Variants in RNF216 observed in about 807,000 individuals in gnomAD.
RNF216 encodes ring finger protein 216.
In RNF216, 72 loss-of-function variants were observed where a neutral mutation model predicts 110.8. The ratio of observed to expected loss-of-function variants is 0.65; its 90% CI spans 0.54 to 0.79. The LOEUF (loss-of-function observed/expected upper bound fraction) is 0.79. Ranked by LOEUF, RNF216 falls within the 30% of genes least tolerant of loss-of-function variation. RNF216 has a pLI of 0.00. For synonymous variants in RNF216, 495 were observed against 407.5 expected (o/e 1.21, Z -2.59); for missense variants, 1,342 against 1,141.2 (o/e 1.18, Z -2.54).
chr7:5,730,281 A>C (rs1310611151), intron 6 of RNF216, among the ~76,000 whole-genome samples: 1 of 152,246 alleles, frequency 6.6e-6, no homozygotes, highest in Non-Finnish European at 1.5e-5. Context: ...TATGTATGAT[A>C]AAGAGGATAC....
At chr7:5,716,989 G>C (rs796828846) in intron 9 of RNF216, among the ~76,000 whole-genome samples, 7 of 152,264 alleles carry the variant, frequency 4.6e-5, no homozygotes, top group African/African-American at 1.7e-4. Flanking sequence ...GAATAAATAA[G>C]GGAAAAGGCT....
At chr7:5,751,861 C>T (rs949567507) in intron 3 of RNF216, among the ~76,000 whole-genome samples, 2 of 73,404 alleles carry the variant, frequency 2.7e-5, no homozygotes. Context: ...AAAAAAGCAA[C>T]AGATTTGTAG....
intron 13 of RNF216, among the ~76,000 whole-genome samples, chr7:5,695,187 A>G (rs1225345685): frequency 1.3e-5 from 2 of 152,244 alleles, no homozygotes; most frequent in Non-Finnish European, 2.9e-5. Context: ...TGTCTGGGTT[A>G]TATGACCTCC....
chr7:5,628,514 A>G (rs1230311710), intron 15 of RNF216, among the ~76,000 whole-genome samples: 1 of 152,096 alleles, frequency 6.6e-6, no homozygotes, highest in Non-Finnish European at 1.5e-5. Context: ...GTTAGACTCT[A>G]AAGGGAAGAT....
chr7:5,766,121 G>GAAAAAT (rs1266450474), intron 1 of RNF216, among the ~76,000 whole-genome samples: 1 of 151,680 alleles, frequency 6.6e-6, no homozygotes. Context: ...CTGTCTCTAC[G>GAAAAAT]AAAAATAAAA....
chr7:5,771,731 A>C (rs1796504235), intron 1 of RNF216, among the ~76,000 whole-genome samples: 3 of 152,158 alleles, frequency 2.0e-5, no homozygotes, highest in African/African-American at 4.8e-5. Flanking sequence ...CGAGAGGTGG[A>C]GGTTGCAGTA....
chr7:5,755,145 G>C (rs1449620048), intron 2 of RNF216, among the ~76,000 whole-genome samples: 1 of 130,542 alleles, frequency 7.7e-6, no homozygotes, highest in East Asian at 2.0e-4. Flanking sequence ...AGGGAGGAAG[G>C]AAAGAAGGAA....
intron 2 of RNF216, among the ~76,000 whole-genome samples, chr7:5,758,874 A>G (rs554454051): frequency 6.6e-6 from 1 of 152,154 alleles, no homozygotes; most frequent in Non-Finnish European, 1.5e-5. Context: ...GGAAGACGCA[A>G]TTGTATTTAG....
At chr7:5,751,265 G>C (rs140819674) in intron 3 of RNF216, among the ~76,000 whole-genome samples, 2,914 of 152,262 alleles carry the variant, frequency 0.019, 42 homozygotes, top group Non-Finnish European at 0.03. Flanking sequence ...CCAAAATGAT[G>C]GTAACTGAGA....
chr7:5,729,028 G>A (rs1412787799), intron 7 of RNF216, among the ~76,000 whole-genome samples: 2 of 152,190 alleles, frequency 1.3e-5, no homozygotes, highest in African/African-American at 2.4e-5. Flanking sequence ...CTCTTCTGAG[G>A]GGGCACTGCT....
intron 2 of RNF216, among the ~76,000 whole-genome samples, chr7:5,755,137 G>A (rs1467986273): frequency 7.4e-6 from 1 of 135,150 alleles, no homozygotes; most frequent in Non-Finnish European, 1.7e-5. Context: ...AAAGAGGGAG[G>A]GAGGAAGGAA....
chr7:5,677,954 T>C (rs1157217007), intron 13 of RNF216, among the ~76,000 whole-genome samples: 1 of 152,300 alleles, frequency 6.6e-6, no homozygotes, highest in African/African-American at 2.4e-5. Flanking sequence ...CACTCTTAAC[T>C]GGAGCAGTAA....
chr7:5,759,680 G>A (rs1483514533), intron 2 of RNF216, among the ~76,000 whole-genome samples: 6 of 129,892 alleles, frequency 4.6e-5, no homozygotes, highest in African/African-American at 1.7e-4. Flanking sequence ...CGCCCAGGCT[G>A]GAGTGCAGTG....
At chr7:5,733,413 T>C (rs539141012) in intron 5 of RNF216, among the ~76,000 whole-genome samples, 86 of 152,326 alleles carry the variant, frequency 5.6e-4, no homozygotes, top group African/African-American at 1.8e-3. Flanking sequence ...ATCAATTTGA[T>C]TACGTTTTAG....
chr7:5,669,941 T>C (rs1234647858), intron 13 of RNF216, among the ~76,000 whole-genome samples: 1 of 151,898 alleles, frequency 6.6e-6, no homozygotes. Context: ...CTTTTTTTTT[T>C]TTTGAGATGG....
At chr7:5,732,846 C>A (rs1160409269) in intron 5 of RNF216, 3 of 152,222 alleles carry the variant, frequency 2.0e-5, no homozygotes, top group East Asian at 1.9e-4. Flanking sequence ...GAAGTCACTC[C>A]TGCAAAGTAA....
At chr7:5,724,570 C>A (rs117486357) in intron 8 of RNF216, among the ~76,000 whole-genome samples, 3,760 of 152,316 alleles carry the variant, frequency 0.025, 74 homozygotes, top group East Asian at 0.039. Flanking sequence ...CACTGCTCCA[C>A]AGACTGGCTT....
rs750058512 is a variant in RNF216, at chr7:5,729,581, A to T, written c.1240T>A (p.Phe414Ile). The T allele has an allele frequency of 2.5e-6, 4 of 1,614,140 alleles. No individual in the cohort carries two copies. Among genetic ancestry groups the T allele is most frequent in the South Asian group, 1.1e-5 (1 of 91,080 alleles). Residue 414 changes from phenylalanine to isoleucine, a missense_variant, in exon 7 of 17, where the codon TTT becomes ATT. Coordinates refer to ENST00000389902, the MANE Select transcript of RNF216 (RefSeq NM_207111.4). ...GGGGTCAATTTAGAATAGTCAAAAA[A>T]GTCTATTTTAGGCAACTGAAATGAG... ...QDETKLPKID[F>I]FDYSKLTPLD... is the part of the protein sequence containing the mutation.
chr7:5,740,104 CTT>C (rs71004698), intron 4 of RNF216, among the ~76,000 whole-genome samples: 15 of 118,454 alleles, frequency 1.3e-4, no homozygotes, highest in African/African-American at 5.2e-4. Flanking sequence ...GATGTAACAC[CTT>C]TTTTTTTTTT....
Sources: gnomAD v4.1 joint callset for allele counts (sites outside exome capture counted in the v4.1 genomes callset) on GRCh38, gnomAD v4.1.1 for gene constraint, MANE v1.5 for transcripts, NCBI Gene and HGNC (gene_info 2026-07-23, HGNC 2026-07-21) for gene names.